The following MCF2 variants were observed in gnomAD, a reference collection of about 807,000 sequenced individuals.
The protein encoded by MCF2 is MCF.2 cell line derived transforming sequence.
Under a neutral mutation model 82.5 loss-of-function variants are expected in MCF2, and 44 were observed. That is an observed-to-expected ratio of 0.53 (90% CI 0.42 to 0.69). MCF2 has a LOEUF of 0.69. Ranked by LOEUF, MCF2 falls within the 30% of genes least tolerant of loss-of-function variation. The probability of loss-of-function intolerance (pLI) is 0.00; values close to 1 mark genes in which losing one functional copy is unlikely to be tolerated. For synonymous variants in MCF2, 217 were observed against 224.9 expected, an observed-to-expected ratio of 0.96 and a Z score of 0.32; for missense variants, 623 against 663.1, an observed-to-expected ratio of 0.94 and a Z score of 0.66.
At chrX:139,597,399 G>A in intron 18 of MCF2, 61 bp downstream of exon 22, 1 of 910,660 alleles carries the variant, frequency 1.1e-6, no homozygotes, top group Non-Finnish European at 1.6e-6. Context: ...TTCCAGGAGG[G>A]GAAAAGGGAT....
chrX:139,675,596 A>C (rs778409403), intron 1 of MCF2, among the ~76,000 whole-genome samples: 2 of 111,946 alleles, frequency 1.8e-5, no homozygotes, highest in South Asian at 7.5e-4. Flanking sequence ...CTGGAGGTCC[A>C]CTCCAGACTC....
rs12015414 is a variant in MCF2, at chrX:139,594,972, C to A, written c.2277+1577G>T. Among the ~76,000 whole-genome samples the A allele has an allele frequency of 4.1e-3, 450 of 109,680 alleles. 4 individuals are homozygous for A. Among genetic ancestry groups the A allele is most frequent in the African/African-American group, 0.015 (419 of 28,881 alleles). On this transcript the variant is annotated intron_variant, in intron 19 of 24. Coordinates refer to ENST00000370576, the Ensembl canonical transcript of MCF2. ...ATTTATGCAGCCAAAAAACACATGA[C>A]AAAATGCTCACCATCACTGGCCATC...
intron 1 of MCF2, among the ~76,000 whole-genome samples, chrX:139,653,563 G>A (rs1413431673): frequency 4.5e-5 from 5 of 110,869 alleles, no homozygotes; most frequent in Non-Finnish European, 3.8e-5. Flanking sequence ...GAGGCCTCAG[G>A]ACCCAAAATA....
chrX:139,642,652 C>A, exon 1 of MCF2: 1 of 1,158,165 alleles, frequency 8.6e-7, no homozygotes, highest in Non-Finnish European at 1.2e-6. Context: ...TGGCTGCTTC[C>A]ATTAGCACAG....
chrX:139,673,169 T>C (rs1934755856), intron 1 of MCF2, among the ~76,000 whole-genome samples: 3 of 111,831 alleles, frequency 2.7e-5, no homozygotes, highest in South Asian at 3.8e-4. Flanking sequence ...ATATCCCCCT[T>C]ATCATTTTTT....
chrX:139,585,045 A>ATTAAAATAATAAT (rs1928825067), intron 24 of MCF2, 21 bp downstream of exon 28: 1 of 1,056,152 alleles, frequency 9.5e-7, no homozygotes, highest in African/African-American at 1.9e-5. Flanking sequence ...AATAATTTTA[A>ATTAAAATAATAAT]TTTACTATAT....
exon 25 of MCF2, chrX:139,582,287 T>C: frequency 6.1e-6 from 3 of 493,476 alleles, no homozygotes; most frequent in Non-Finnish European, 1.1e-5. Flanking sequence ...AAAGACAGCG[T>C]ACCATAATTA....
chrX:139,613,575 C>T (rs1218450178), intron 10 of MCF2, among the ~76,000 whole-genome samples: 2 of 110,944 alleles, frequency 1.8e-5, no homozygotes, highest in East Asian at 5.7e-4. Flanking sequence ...GTATTATCGT[C>T]CTTATTGTCC....
intron 16 of MCF2, among the ~76,000 whole-genome samples, 182 bp downstream of exon 20, chrX:139,602,224 T>C (rs1321149815): frequency 9.0e-6 from 1 of 110,762 alleles, no homozygotes; most frequent in Non-Finnish European, 1.9e-5. Flanking sequence ...GTGCTGAAAG[T>C]GTTTGCCTCT....
At chrX:139,641,433 T>C (rs1933562544) in intron 1 of MCF2, among the ~76,000 whole-genome samples, 1 of 110,931 alleles carries the variant, frequency 9.0e-6, no homozygotes, top group Admixed American at 9.7e-5. Flanking sequence ...TAGCAGTCTG[T>C]GCTAAGAGCT....
At chrX:139,583,804 C>T (rs1267336188) in intron 24 of MCF2, among the ~76,000 whole-genome samples, 1 of 111,530 alleles carries the variant, frequency 9.0e-6, no homozygotes. Context: ...AACAAGAGTT[C>T]TTTGGGGTTT....
chrX:139,627,096 T>G (rs754871479), intron 4 of MCF2, among the ~76,000 whole-genome samples: 6 of 111,908 alleles, frequency 5.4e-5, no homozygotes, highest in African/African-American at 1.9e-4. Context: ...GCTAATATTT[T>G]ATTTTTATTT....
At chrX:139,623,883 A>C (rs986015575) in intron 6 of MCF2, among the ~76,000 whole-genome samples, 4 of 112,126 alleles carry the variant, frequency 3.6e-5, no homozygotes, top group Non-Finnish European at 7.5e-5. Flanking sequence ...AATAATCATT[A>C]TTTTGCAACC....
chrX:139,626,722 A>T (rs759829962), exon 5 of MCF2: 1 of 1,208,023 alleles, frequency 8.3e-7, no homozygotes, highest in African/African-American at 1.7e-5. Context: ...TGTTAGCAGA[A>T]TTTTTCCTTC....
At chrX:139,631,358 A>G (rs1366707201) in intron 3 of MCF2, 37 bp downstream of exon 6, 1 of 770,082 alleles carries the variant, frequency 1.3e-6, no homozygotes, top group African/African-American at 2.1e-5. Flanking sequence ...TAACATGAAG[A>G]ACTATAGGCT....
chrX:139,658,002 T>A (rs1255316596), intron 1 of MCF2, among the ~76,000 whole-genome samples: 1 of 111,363 alleles, frequency 9.0e-6, no homozygotes, highest in Admixed American at 9.6e-5. Context: ...AAGCATATAG[T>A]TGACTGGAAT....
intron 1 of MCF2, among the ~76,000 whole-genome samples, chrX:139,704,557 T>C (rs746826093): frequency 1.1e-3 from 118 of 111,409 alleles, no homozygotes; most frequent in African/African-American, 3.8e-3. Context: ...AACTTACTCA[T>C]GTAACAAAAC....
At chrX:139,596,288 C>T (rs1011782907) in intron 19 of MCF2, among the ~76,000 whole-genome samples, 2 of 111,093 alleles carry the variant, frequency 1.8e-5, no homozygotes, top group African/African-American at 3.3e-5. Context: ...CTCTTCAGGA[C>T]GCTAGGGAGC....
chrX:139,596,516 C>T, intron 19 of MCF2, 33 bp downstream of exon 23: 6 of 1,100,791 alleles, frequency 5.5e-6, no homozygotes, highest in Non-Finnish European at 7.5e-6. Context: ...ACACACGAAA[C>T]AATACTACAT....
Sources: gnomAD v4.1 joint callset for allele counts (sites outside exome capture counted in the v4.1 genomes callset) on GRCh38, gnomAD v4.1.1 for gene constraint, MANE v1.5 for transcripts, NCBI Gene and HGNC (gene_info 2026-07-23, HGNC 2026-07-21) for gene names.